ZNF385B: variants seen among roughly 807,000 people sequenced by gnomAD.
ZNF385B encodes the protein zinc finger protein 385B.
Under a neutral mutation model 39.2 loss-of-function variants are expected in ZNF385B, and 23 were observed. The observed-to-expected ratio is 0.59, with a 90% CI of 0.42 to 0.83. ZNF385B has a LOEUF of 0.83. Among genes scored for constraint, ZNF385B ranks in the 40% least tolerant of loss-of-function variants. The pLI, the probability that ZNF385B is intolerant of heterozygous loss-of-function variation, is 0.00. For missense variants in ZNF385B, 552 were observed against 598.9 expected, an observed-to-expected ratio of 0.92 and a Z score of 0.82; for synonymous variants, 205 against 222.6, an observed-to-expected ratio of 0.92 and a Z score of 0.70.
intron 3 of ZNF385B, among the ~76,000 whole-genome samples, chr2:179,691,796 C>T (rs897128043): frequency 6.6e-6 from 1 of 151,984 alleles, no homozygotes; most frequent in Non-Finnish European, 1.5e-5. Flanking sequence ...TTTTGTTTAT[C>T]TGAAATTCAA....
chr2:179,547,828 A>G (rs1574733024), intron 3 of ZNF385B, among the ~76,000 whole-genome samples: 1 of 149,638 alleles, frequency 6.7e-6, no homozygotes, highest in East Asian at 1.9e-4. Flanking sequence ...CATTTTAACA[A>G]TATTGATTCT....
chr2:179,751,170 CT>C (rs1489962920), intron 3 of ZNF385B, among the ~76,000 whole-genome samples: 4 of 147,258 alleles, frequency 2.7e-5, no homozygotes, highest in Non-Finnish European at 6.0e-5. Flanking sequence ...TCCCCACCCC[CT>C]GCCATGTCTC....
At chr2:179,510,074 T>A (rs1195730482) in intron 5 of ZNF385B, among the ~76,000 whole-genome samples, 1 of 152,168 alleles carries the variant, frequency 6.6e-6, no homozygotes, top group East Asian at 1.9e-4. Context: ...ATACATACAC[T>A]TTATATGAAA....
chr2:179,533,559 G>A (rs1213621442), intron 4 of ZNF385B, among the ~76,000 whole-genome samples: 1 of 152,134 alleles, frequency 6.6e-6, no homozygotes. Context: ...CACAGGTTAA[G>A]GGGGTCCTTT....
At chr2:179,815,312 A>G (rs1272574760) in intron 1 of ZNF385B, among the ~76,000 whole-genome samples, 1 of 152,172 alleles carries the variant, frequency 6.6e-6, no homozygotes, top group Non-Finnish European at 1.5e-5. Flanking sequence ...ATACAGATAG[A>G]TTTATATGCA....
At chr2:179,583,024 T>C (rs1042416363) in intron 3 of ZNF385B, among the ~76,000 whole-genome samples, 3 of 152,172 alleles carry the variant, frequency 2.0e-5, no homozygotes, top group Non-Finnish European at 4.4e-5. Flanking sequence ...TAATTTTGCA[T>C]TTTTAGTAGA....
chr2:179,716,394 A>C (rs150641882), intron 3 of ZNF385B, among the ~76,000 whole-genome samples: 3 of 152,008 alleles, frequency 2.0e-5, no homozygotes, highest in Non-Finnish European at 4.4e-5. Flanking sequence ...CCTATTTTCC[A>C]TTTTCTGTTG....
chr2:179,745,050 A>G (rs1030482251), intron 3 of ZNF385B, among the ~76,000 whole-genome samples: 9 of 152,182 alleles, frequency 5.9e-5, no homozygotes, highest in African/African-American at 1.7e-4. Context: ...TTTAAATGAT[A>G]CAATCTGCTA....
intron 3 of ZNF385B, among the ~76,000 whole-genome samples, chr2:179,589,111 A>G (rs1441632367): frequency 6.6e-6 from 1 of 152,222 alleles, no homozygotes; most frequent in East Asian, 1.9e-4. Flanking sequence ...GAAGCATTAA[A>G]TAATAATCAT....
At position 179,471,127 on chromosome 2, in the gene ZNF385B, G is replaced by A. The variant is rs561354769; in HGVS notation, c.715+12145C>T. 2.0e-4 allele frequency among the ~76,000 whole-genome samples: 31 copies of A among 152,288 alleles called. No homozygotes were observed. In the South Asian group the frequency reaches 5.6e-3, roughly 27 times the overall value. ...TTATCATGCTAGGTCTCTTAGGAACGTTGTTATATGGAGATTTATGGCTTT... is the reference window on the plus strand; with the variant it reads ...TTATCATGCTAGGTCTCTTAGGAACATTGTTATATGGAGATTTATGGCTTT... On this transcript the variant is annotated intron_variant, in intron 6 of 9. Coordinates refer to ENST00000410066, the MANE Select transcript of ZNF385B (RefSeq NM_152520.6).
At chr2:179,792,880 C>A (rs1705432459) in intron 1 of ZNF385B, among the ~76,000 whole-genome samples, 1 of 152,150 alleles carries the variant, frequency 6.6e-6, no homozygotes, top group African/African-American at 2.4e-5. Flanking sequence ...TTTTTGAGCT[C>A]TGTTTGCATA....
intron 1 of ZNF385B, among the ~76,000 whole-genome samples, chr2:179,805,898 A>G (rs573102029): frequency 1.3e-5 from 2 of 152,332 alleles, no homozygotes; most frequent in South Asian, 4.1e-4. Flanking sequence ...TCTCTAACTT[A>G]TTATGCTAGA....
intron 3 of ZNF385B, among the ~76,000 whole-genome samples, chr2:179,667,195 C>T (rs1695280056): frequency 6.6e-6 from 1 of 152,060 alleles, no homozygotes; most frequent in South Asian, 2.1e-4. Context: ...GGATTTTTTT[C>T]CCCAACTCAA....
At chr2:179,707,369 T>A (rs1203985380) in intron 3 of ZNF385B, among the ~76,000 whole-genome samples, 2 of 152,108 alleles carry the variant, frequency 1.3e-5, no homozygotes, top group African/African-American at 2.4e-5. Context: ...ATGATGCCAA[T>A]AATGAGGACC....
intron 1 of ZNF385B, among the ~76,000 whole-genome samples, chr2:179,810,501 G>A (rs946255983): frequency 6.6e-6 from 1 of 151,744 alleles, no homozygotes. Context: ...AAATTATTTC[G>A]TGAATGGGAT....
intron 3 of ZNF385B, among the ~76,000 whole-genome samples, chr2:179,616,769 CA>C (rs1286306171): frequency 6.6e-6 from 1 of 152,100 alleles, no homozygotes; most frequent in African/African-American, 2.4e-5. Flanking sequence ...CTATGTTGCC[CA>C]GGCTCATCTT....
At chr2:179,675,576 G>A (rs1696638107) in intron 3 of ZNF385B, among the ~76,000 whole-genome samples, 1 of 152,184 alleles carries the variant, frequency 6.6e-6, no homozygotes, top group Non-Finnish European at 1.5e-5. Flanking sequence ...GCTGAAGGCA[G>A]AACTGAAGAG....
chr2:179,589,690 C>G (rs767486110), intron 3 of ZNF385B, among the ~76,000 whole-genome samples: 12 of 152,172 alleles, frequency 7.9e-5, no homozygotes, highest in Non-Finnish European at 1.5e-4. Flanking sequence ...TTAACCAAGT[C>G]TCACTTTACC....
intron 4 of ZNF385B, among the ~76,000 whole-genome samples, chr2:179,529,376 G>T (rs1559413788): frequency 6.6e-6 from 1 of 152,142 alleles, no homozygotes; most frequent in African/African-American, 2.4e-5. Context: ...GGGGAGACAG[G>T]TATTTTTCCA....
Sources: gnomAD v4.1 joint callset for allele counts (sites outside exome capture counted in the v4.1 genomes callset) on GRCh38, gnomAD v4.1.1 for gene constraint, MANE v1.5 for transcripts, NCBI Gene and HGNC (gene_info 2026-07-23, HGNC 2026-07-21) for gene names.